Variants in SUCLG2 observed in about 807,000 individuals in gnomAD.
The protein encoded by SUCLG2 is succinate-CoA ligase GDP-forming subunit beta, also known as succinate--CoA ligase [GDP-forming] subunit beta, mitochondrial.
In SUCLG2, 42 loss-of-function variants were observed where a neutral mutation model predicts 47.9. The ratio of observed to expected loss-of-function variants is 0.88; its 90% CI spans 0.69 to 1.14. The LOEUF is 1.14. Ranked by LOEUF, SUCLG2 falls within the 50% of genes most tolerant of loss-of-function variation. The pLI is 0.00. For missense variants in SUCLG2, 571 were observed against 525.9 expected (o/e 1.09, Z -0.84); for synonymous variants, 195 against 197.3 (o/e 0.99, Z 0.10).
chr3:67,407,957 T>C (rs4577484), intron 9 of SUCLG2, among the ~76,000 whole-genome samples: 54,551 of 152,088 alleles, frequency 0.36, 10,111 homozygotes, highest in South Asian at 0.42. Context: ...GCTTGGATAA[T>C]TGATGTTTGT....
chr3:67,480,846 A>G (rs2107015035), intron 9 of SUCLG2, among the ~76,000 whole-genome samples: 1 of 152,314 alleles, frequency 6.6e-6, no homozygotes, highest in South Asian at 2.1e-4. Flanking sequence ...AGACATACAG[A>G]GAGAAAGAAG....
chr3:67,476,018 G>A (rs1704744788), intron 9 of SUCLG2, among the ~76,000 whole-genome samples: 1 of 138,794 alleles, frequency 7.2e-6, no homozygotes, highest in Non-Finnish European at 1.6e-5. Context: ...TCTCTCACAA[G>A]CTAATTTTGC....
At chr3:67,606,344 A>G (rs1217178381) in intron 2 of SUCLG2, among the ~76,000 whole-genome samples, 1 of 152,218 alleles carries the variant, frequency 6.6e-6, no homozygotes, top group African/African-American at 2.4e-5. Flanking sequence ...GGAATATCTC[A>G]AAGAGATTAG....
At position 67,565,138 on chromosome 3, in the gene SUCLG2, G is replaced by T. The variant is rs1707417304; in HGVS notation, c.227-35952C>A. Among the ~76,000 whole-genome samples the T allele has an allele frequency of 3.3e-5, 5 of 152,150 alleles. 1 individual carries two copies. Among genetic ancestry groups the T allele is most frequent in the African/African-American group, 7.2e-5 (3 of 41,444 alleles). On this transcript the variant is annotated intron_variant, in intron 2 of 10. Coordinates refer to ENST00000307227, the MANE Select transcript of SUCLG2 (RefSeq NM_003848.4). ...CACATTAAATATGTGCTACGTGCTG[G>T]TCACTGCACTAGGTGCTGAGTATAA...
At chr3:67,577,444 TAG>T (rs1271747637) in intron 2 of SUCLG2, among the ~76,000 whole-genome samples, 1 of 151,950 alleles carries the variant, frequency 6.6e-6, no homozygotes, top group East Asian at 1.9e-4. Context: ...AATCATGAGC[TAG>T]AGAGAAAAAA....
intron 1 of SUCLG2, among the ~76,000 whole-genome samples, chr3:67,642,195 T>A (rs1450342903): frequency 1.3e-5 from 2 of 152,216 alleles, no homozygotes; most frequent in Non-Finnish European, 2.9e-5. Flanking sequence ...CCACCCATTA[T>A]CAGGCATAAT....
At chr3:67,429,669 G>A (rs755774501) in intron 9 of SUCLG2, among the ~76,000 whole-genome samples, 1 of 152,148 alleles carries the variant, frequency 6.6e-6, no homozygotes. Context: ...TGGACAAAGA[G>A]TCAAGACCCA....
At chr3:67,409,610 T>G (rs1702890698) in intron 9 of SUCLG2, among the ~76,000 whole-genome samples, 1 of 152,152 alleles carries the variant, frequency 6.6e-6, no homozygotes, top group South Asian at 2.1e-4. Context: ...GACACATATT[T>G]ACACATAATT....
intron 2 of SUCLG2, among the ~76,000 whole-genome samples, 174 bp from the exon 3 acceptor site, chr3:67,529,360 A>G (rs186515738): frequency 1.3e-5 from 2 of 152,334 alleles, no homozygotes; most frequent in East Asian, 3.9e-4. Context: ...ATGAGCCTAA[A>G]TACAAAGCTT....
chr3:67,371,303 C>A (rs1701949349), downstream of SUCLG2, among the ~76,000 whole-genome samples: 1 of 152,154 alleles, frequency 6.6e-6, no homozygotes, highest in East Asian at 1.9e-4. Context: ...GCATAAGGTG[C>A]CTAGGAATTG....
intron 2 of SUCLG2, among the ~76,000 whole-genome samples, chr3:67,576,670 AACTT>A (rs1268996041): frequency 6.6e-6 from 1 of 152,204 alleles, no homozygotes; most frequent in African/African-American, 2.4e-5. Context: ...TTCTCGAAGA[AACTT>A]ACTGAGTGCC....
chr3:67,496,684 G>C (rs183857932), intron 8 of SUCLG2, among the ~76,000 whole-genome samples: 5 of 152,248 alleles, frequency 3.3e-5, no homozygotes, highest in African/African-American at 1.2e-4. Flanking sequence ...TCTTAAGAAA[G>C]TAGGTAGAGA....
At chr3:67,538,230 T>C (rs1706600348) in intron 2 of SUCLG2, among the ~76,000 whole-genome samples, 1 of 152,168 alleles carries the variant, frequency 6.6e-6, no homozygotes, top group African/African-American at 2.4e-5. Context: ...TTACTCCATC[T>C]TGAGTTAATT....
chr3:67,586,179 G>A (rs1358280964), intron 2 of SUCLG2, among the ~76,000 whole-genome samples: 1 of 152,210 alleles, frequency 6.6e-6, no homozygotes, highest in South Asian at 2.1e-4. Flanking sequence ...TTTAAACAAG[G>A]ATGAAGCATC....
chr3:67,488,995 A>G (rs894646950), intron 9 of SUCLG2, among the ~76,000 whole-genome samples: 3 of 152,228 alleles, frequency 2.0e-5, no homozygotes, highest in Admixed American at 2.0e-4. Flanking sequence ...TTGAAGACAG[A>G]GTAAAGAGTA....
chr3:67,376,440 C>T (rs138609362), intron 10 of SUCLG2: 1 of 985,370 alleles, frequency 1.0e-6, no homozygotes, highest in African/African-American at 1.7e-5. Context: ...TCACTTCATT[C>T]AAAGGTGTGC....
intron 1 of SUCLG2, among the ~76,000 whole-genome samples, chr3:67,632,757 T>C (rs967375700): frequency 2.0e-5 from 3 of 152,200 alleles, no homozygotes; most frequent in African/African-American, 7.2e-5. Flanking sequence ...ACAGAAAGAT[T>C]AACACATGTT....
At chr3:67,477,749 T>C (rs559085391) in intron 9 of SUCLG2, among the ~76,000 whole-genome samples, 1 of 152,306 alleles carries the variant, frequency 6.6e-6, no homozygotes, top group South Asian at 2.1e-4. Context: ...CCCACGACAC[T>C]GTATGCTCCA....
chr3:67,592,253 G>A (rs1708181618), intron 2 of SUCLG2, among the ~76,000 whole-genome samples: 1 of 152,172 alleles, frequency 6.6e-6, no homozygotes, highest in Non-Finnish European at 1.5e-5. Flanking sequence ...GAACTGCCAG[G>A]AACTTGACAC....
Sources: allele counts gnomAD v4.1 joint callset (sites outside exome capture counted in the v4.1 genomes callset), GRCh38; gene constraint gnomAD v4.1.1; transcripts MANE v1.5; gene names NCBI Gene and HGNC (gene_info 2026-07-23, HGNC 2026-07-21).